Variants in EPHB1 observed in about 807,000 individuals in gnomAD.
EPHB1 encodes the protein ephrin type-B receptor 1.
EPHB1 carries 30 observed loss-of-function variants against 94.4 expected under a neutral mutation model. The observed-to-expected ratio is 0.32, with a 90% CI of 0.24 to 0.43. The LOEUF is 0.43. EPHB1 is among the 20% of genes least tolerant of loss of function. The probability of loss-of-function intolerance (pLI) is 1.00; values close to 1 mark genes in which losing one functional copy is unlikely to be tolerated. For synonymous variants in EPHB1, 522 were observed against 489.1 expected, an observed-to-expected ratio of 1.07 and a Z score of -0.89; for missense variants, 1,055 against 1,308.3, an observed-to-expected ratio of 0.81 and a Z score of 2.99.
At chr3:134,996,032 T>C (rs1177323560) in intron 3 of EPHB1, among the ~76,000 whole-genome samples, 3 of 152,204 alleles carry the variant, frequency 2.0e-5, no homozygotes, top group African/African-American at 7.2e-5. Context: ...TGAATGGATG[T>C]CCATGCTATC....
intron 4 of EPHB1, among the ~76,000 whole-genome samples, chr3:135,107,366 A>C (rs1283278148): frequency 6.6e-6 from 1 of 152,182 alleles, no homozygotes; most frequent in Non-Finnish European, 1.5e-5. Flanking sequence ...TCTCCCCAAT[A>C]ATTGTGGAAG....
chr3:135,231,895 C>A (rs1943539407), intron 12 of EPHB1, among the ~76,000 whole-genome samples: 1 of 152,172 alleles, frequency 6.6e-6, no homozygotes, highest in African/African-American at 2.4e-5. Context: ...GCATCATAAT[C>A]CTTAGCACGG....
intron 3 of EPHB1, among the ~76,000 whole-genome samples, chr3:135,085,641 GA>G (rs1938333935): frequency 6.6e-6 from 1 of 152,190 alleles, no homozygotes; most frequent in Admixed American, 6.5e-5. Context: ...TTCTTGTCCT[GA>G]GGACCCGGGC....
intron 12 of EPHB1, among the ~76,000 whole-genome samples, chr3:135,209,031 A>C (rs1001202533): frequency 6.6e-6 from 1 of 152,242 alleles, no homozygotes; most frequent in Non-Finnish European, 1.5e-5. Context: ...AAGGGCCTCC[A>C]AATCTGGATA....
intron 3 of EPHB1, among the ~76,000 whole-genome samples, chr3:135,008,925 T>C (rs1422327211): frequency 1.3e-5 from 2 of 152,212 alleles, no homozygotes; most frequent in East Asian, 3.9e-4. Context: ...CATGTCTGGG[T>C]GTTAGAAAGA....
Position 135,096,868 on chromosome 3 carries a change from G to C in EPHB1, c.806-9580G>C, listed in dbSNP as rs142335569. On this transcript the variant is annotated intron_variant, in intron 3 of 15. Coordinates refer to ENST00000398015, the MANE Select transcript of EPHB1 (RefSeq NM_004441.5). ...GTGCCAGCACTTTGGGAGGCCAAGG[G>C]GGGCGGATCACGAGGTCGGGAGATC... Among the ~76,000 whole-genome samples the C allele has an allele frequency of 7.0e-4, 107 of 152,222 alleles. No homozygotes were observed. In the South Asian group the frequency reaches 8.9e-3, roughly 13 times the overall value.
chr3:135,142,638 A>G (rs1490206270), intron 5 of EPHB1, among the ~76,000 whole-genome samples: 4 of 152,238 alleles, frequency 2.6e-5, no homozygotes, highest in African/African-American at 9.6e-5. Flanking sequence ...GAGGAAGCAG[A>G]ATATTTAGAC....
chr3:135,111,467 C>T (rs1939438979), intron 4 of EPHB1, among the ~76,000 whole-genome samples: 1 of 152,072 alleles, frequency 6.6e-6, no homozygotes, highest in Non-Finnish European at 1.5e-5. Flanking sequence ...AGACTGGAAC[C>T]ACAGGGCCTT....
chr3:135,008,726 T>C (rs1935514325), intron 3 of EPHB1, among the ~76,000 whole-genome samples: 1 of 152,114 alleles, frequency 6.6e-6, no homozygotes, highest in African/African-American at 2.4e-5. Flanking sequence ...CATTTCCTAG[T>C]TGAGTGGAAA....
rs564749054 is a variant in EPHB1, at chr3:134,863,296, G to A, written c.59-62520G>A. Among the ~76,000 whole-genome samples the A allele has an allele frequency of 9.2e-5, 14 of 152,268 alleles. No homozygotes were observed. The East Asian group carries it at 1.9e-3, about 21-fold the overall frequency. On this transcript the variant is annotated intron_variant, in intron 1 of 15. Transcript: ENST00000398015. ...CTGCCGGCCTGGACTGGCCTGTTTC[G>A]CATCATACTGCAATTGCTTATGTAC... is the stretch of plus-strand genomic sequence containing the variant.
chr3:135,158,365 G>A (rs1482389125), intron 6 of EPHB1, among the ~76,000 whole-genome samples: 2 of 152,248 alleles, frequency 1.3e-5, no homozygotes, highest in Middle Eastern at 3.4e-3. Flanking sequence ...TTAGGCTTAC[G>A]GGCCATATGG....
intron 10 of EPHB1, among the ~76,000 whole-genome samples, chr3:135,183,242 C>T (rs371788181): frequency 1.3e-4 from 13 of 100,528 alleles, no homozygotes; most frequent in Middle Eastern, 4.5e-3. Flanking sequence ...CTCCCTCCCT[C>T]CCTTTCTTCC....
chr3:134,924,119 C>T (rs568330993), intron 1 of EPHB1, among the ~76,000 whole-genome samples: 247 of 152,318 alleles, frequency 1.6e-3, no homozygotes, highest in Non-Finnish European at 2.9e-3. Context: ...CAATACCTTC[C>T]ACCTTATGCA....
At chr3:135,147,348 C>A (rs1166089898) in intron 5 of EPHB1, among the ~76,000 whole-genome samples, 2 of 152,166 alleles carry the variant, frequency 1.3e-5, no homozygotes, top group Non-Finnish European at 2.9e-5. Flanking sequence ...TAGGTTGATT[C>A]CCAAGAGAAA....
At chr3:134,802,441 G>T (rs1380707803) in intron 1 of EPHB1, among the ~76,000 whole-genome samples, 1 of 152,106 alleles carries the variant, frequency 6.6e-6, no homozygotes, top group African/African-American at 2.4e-5. Context: ...GTGGGGCATG[G>T]ATCCTCATAG....
chr3:134,951,699 T>A lies in EPHB1; in HGVS notation c.452T>A (p.Phe151Tyr). The A allele has an allele frequency of 6.2e-7, 1 of 1,614,036 alleles. No individual in the cohort carries two copies. Residue 151 changes from phenylalanine to tyrosine, a missense_variant, in exon 3 of 16, where the codon TTT (phenylalanine) becomes TAT (tyrosine). Transcript: ENST00000398015. The surrounding 1 kb of genome is among the most constrained non-coding windows in gnomAD (Gnocchi z 4.5). ...GATGAGAGCTTCTCCCAGGTGGACTTTGGGGGAAGGCTGATGAAGGTAAAC... is the reference window on the plus strand; with the variant it reads ...GATGAGAGCTTCTCCCAGGTGGACTATGGGGGAAGGCTGATGAAGGTAAAC... ...AADESFSQVD[F>Y]GGRLMKVNTE...
intron 6 of EPHB1, among the ~76,000 whole-genome samples, chr3:135,156,443 G>A (rs977517244): frequency 3.3e-5 from 5 of 152,186 alleles, no homozygotes; most frequent in Admixed American, 6.5e-5. Flanking sequence ...AGAAGCCCTC[G>A]TTTCCAGTGC....
chr3:135,200,536 T>C (rs1247208092), intron 11 of EPHB1, among the ~76,000 whole-genome samples: 1 of 152,220 alleles, frequency 6.6e-6, no homozygotes, highest in African/African-American at 2.4e-5. Context: ...TGCTTGATTT[T>C]GGAAAGAGGA....
chr3:134,835,812 C>G (rs1453887448), intron 1 of EPHB1, among the ~76,000 whole-genome samples: 1 of 152,110 alleles, frequency 6.6e-6, no homozygotes, highest in Non-Finnish European at 1.5e-5. Flanking sequence ...TCCAAGGGCT[C>G]CATTCATTCT....
Sources: allele counts gnomAD v4.1 joint callset (sites outside exome capture counted in the v4.1 genomes callset), GRCh38; gene constraint gnomAD v4.1.1; non-coding constraint Gnocchi (gnomAD v3.1); transcripts MANE v1.5; gene names NCBI Gene and HGNC (gene_info 2026-07-23, HGNC 2026-07-21).